The following KCNIP1 variants were observed in gnomAD, a reference collection of about 807,000 sequenced individuals.
The protein encoded by KCNIP1 is potassium voltage-gated channel interacting protein 1.
In KCNIP1, 18 loss-of-function variants were observed where a neutral mutation model predicts 33.0. The observed-to-expected ratio is 0.55, with a 90% CI of 0.38 to 0.81. The LOEUF (loss-of-function observed/expected upper bound fraction) is 0.81. Ranked by LOEUF, KCNIP1 falls within the 30% of genes least tolerant of loss-of-function variation. KCNIP1 has a pLI of 0.00. For synonymous variants in KCNIP1, 93 were observed against 98.3 expected (o/e 0.95, Z 0.32); for missense variants, 238 against 271.6 (o/e 0.88, Z 0.87).
chr5:170,471,053 G>A (rs1186344963), intron 1 of KCNIP1, among the ~76,000 whole-genome samples: 1 of 152,134 alleles, frequency 6.6e-6, no homozygotes, highest in East Asian at 1.9e-4. Flanking sequence ...CTTGGCTATT[G>A]TCTTAAGCTA....
intron 1 of KCNIP1, among the ~76,000 whole-genome samples, chr5:170,494,893 C>T (rs775405492): frequency 1.2e-4 from 18 of 152,104 alleles, no homozygotes; most frequent in Non-Finnish European, 2.4e-4. Flanking sequence ...GTGGCTTGGG[C>T]GAATTACACC....
intron 1 of KCNIP1, among the ~76,000 whole-genome samples, chr5:170,371,582 T>C (rs1240785907): frequency 6.6e-6 from 1 of 152,188 alleles, no homozygotes; most frequent in Admixed American, 6.6e-5. Flanking sequence ...TTAAATCTTT[T>C]CCTTGTGCCT....
chr5:170,455,951 A>G (rs1442993177), intron 1 of KCNIP1, among the ~76,000 whole-genome samples: 1 of 152,234 alleles, frequency 6.6e-6, no homozygotes, highest in Admixed American at 6.5e-5. Flanking sequence ...CAGCAATCCC[A>G]TTACTGGGTA....
Position 170,640,912 on chromosome 5 carries a change from A to G in KCNIP1, c.62-77846A>G, listed in dbSNP as rs527431052. The stretch of plus-strand genomic sequence containing the variant: ...GCACAGTGAATGGGCAGGTGGAAGC[A>G]TCGTTGCTTAAAGAGGAACCAAAAC... On this transcript the variant is annotated intron_variant, in intron 1 of 7. Coordinates refer to ENST00000328939, the MANE Select transcript of KCNIP1 (RefSeq NM_014592.4). Among the ~76,000 whole-genome samples, 10 of 152,304 alleles carry G rather than the reference A, an allele frequency of 6.6e-5. No homozygotes were observed. In the South Asian group the frequency reaches 2.1e-3, roughly 32 times the overall value.
intron 1 of KCNIP1, among the ~76,000 whole-genome samples, chr5:170,685,042 A>G (rs1257874923): frequency 6.6e-6 from 1 of 152,136 alleles, no homozygotes; most frequent in Non-Finnish European, 1.5e-5. Flanking sequence ...TAATGCTCCC[A>G]GAACATACCT....
At position 170,736,057 on chromosome 5, in the gene KCNIP1, T is replaced by G. The variant is rs1764377472; in HGVS notation, c.*251T>G. ...GAAATTTGAGTTTGTTTTGGAAGCA[T>G]GCTCATCTCCTCACACTGCTGCCCT... On this transcript the variant is annotated 3_prime_UTR_variant, in exon 8 of 8. Transcript: ENST00000328939. 1.9e-6 allele frequency: 1 copy of G among 537,430 alleles called. No homozygotes were observed. Among genetic ancestry groups the G allele is most frequent in the East Asian group, 3.0e-5 (1 of 33,588 alleles). 33.3% of individuals were successfully genotyped at this position (537,430 alleles called of 1,614,324 possible).
chr5:170,422,722 G>A (rs1192600743), intron 1 of KCNIP1: 1 of 152,188 alleles, frequency 6.6e-6, no homozygotes, highest in Non-Finnish European at 1.5e-5. Context: ...GATATTAATA[G>A]ATATATAACA....
At chr5:170,645,693 C>T (rs1307023251) in intron 1 of KCNIP1, among the ~76,000 whole-genome samples, 2 of 152,066 alleles carry the variant, frequency 1.3e-5, no homozygotes, top group Admixed American at 6.6e-5. Flanking sequence ...CCACATGGGA[C>T]GTTCACCAAG....
intron 1 of KCNIP1, among the ~76,000 whole-genome samples, chr5:170,698,813 C>T (rs2113831681): frequency 6.6e-6 from 1 of 152,354 alleles, no homozygotes; most frequent in South Asian, 2.1e-4. Flanking sequence ...CATTCATTAT[C>T]TCATTTAAAT....
intron 1 of KCNIP1, among the ~76,000 whole-genome samples, chr5:170,527,566 C>T (rs1230060430): frequency 3.3e-5 from 5 of 151,882 alleles, no homozygotes; most frequent in African/African-American, 1.2e-4. Flanking sequence ...CCACTCACAG[C>T]TGCAGCAGAA....
intron 1 of KCNIP1, among the ~76,000 whole-genome samples, chr5:170,679,625 C>CTGTG (rs1561760037): frequency 1.1e-5 from 1 of 93,728 alleles, no homozygotes; most frequent in Non-Finnish European, 2.1e-5. Context: ...ATGTATATGA[C>CTGTG]AGTGTGTGTG....
At chr5:170,368,405 C>T (rs191743869) in intron 1 of KCNIP1, among the ~76,000 whole-genome samples, 159 of 152,236 alleles carry the variant, frequency 1.0e-3, no homozygotes, top group Non-Finnish European at 1.7e-3. Flanking sequence ...GCTGGGACTA[C>T]AGGTGCCGGC....
At chr5:170,617,942 A>T (rs1318265869) in intron 1 of KCNIP1, among the ~76,000 whole-genome samples, 1 of 152,180 alleles carries the variant, frequency 6.6e-6, no homozygotes, top group African/African-American at 2.4e-5. Context: ...ACAACCGGAG[A>T]TATAAAACAG....
At chr5:170,686,960 A>T (rs1161340490) in intron 1 of KCNIP1, among the ~76,000 whole-genome samples, 1 of 151,096 alleles carries the variant, frequency 6.6e-6, no homozygotes, top group African/African-American at 2.4e-5. Flanking sequence ...TCCAGCCCCA[A>T]ACCTCTCTCC....
intron 1 of KCNIP1, among the ~76,000 whole-genome samples, chr5:170,498,511 T>TA (rs1281874141): frequency 1.3e-5 from 2 of 152,144 alleles, no homozygotes; most frequent in African/African-American, 4.8e-5. Flanking sequence ...ACCCTGAACT[T>TA]ACTGCACCAC....
chr5:170,389,222 A>G (rs1764611208), intron 1 of KCNIP1: 1 of 152,198 alleles, frequency 6.6e-6, no homozygotes, highest in African/African-American at 2.4e-5. Context: ...GTCTTCAGAG[A>G]AATCACTTCC....
intron 1 of KCNIP1, among the ~76,000 whole-genome samples, chr5:170,519,897 T>C (rs1302122513): frequency 6.6e-6 from 1 of 152,062 alleles, no homozygotes; most frequent in Admixed American, 6.5e-5. Context: ...TGTTGAAAGA[T>C]GTAGAAGAGA....
chr5:170,440,210 A>G (rs1173204540), intron 1 of KCNIP1, among the ~76,000 whole-genome samples: 1 of 152,142 alleles, frequency 6.6e-6, no homozygotes, highest in Non-Finnish European at 1.5e-5. Flanking sequence ...TGACACCTTC[A>G]TCTCAGACTT....
At chr5:170,457,409 C>T (rs781117147) in intron 1 of KCNIP1, among the ~76,000 whole-genome samples, 22 of 152,210 alleles carry the variant, frequency 1.4e-4, no homozygotes, top group Non-Finnish European at 2.9e-4. Flanking sequence ...CCAAGAGAAC[C>T]CACAGACCCT....
Sources: allele counts gnomAD v4.1 joint callset (sites outside exome capture counted in the v4.1 genomes callset), GRCh38; gene constraint gnomAD v4.1.1; transcripts MANE v1.5; gene names NCBI Gene and HGNC (gene_info 2026-07-23, HGNC 2026-07-21).